PTPN5: variants seen among roughly 807,000 people sequenced by gnomAD.
The protein encoded by PTPN5 is tyrosine-protein phosphatase non-receptor type 5.
A neutral mutation model predicts 73.9 loss-of-function variants in PTPN5; 29 were observed. That is an observed-to-expected ratio of 0.39 (90% CI 0.29 to 0.54). PTPN5 has a LOEUF of 0.54. PTPN5 is among the 20% of genes least tolerant of loss of function. PTPN5 has a pLI of 0.65. For missense variants in PTPN5, 652 were observed against 751.4 expected (o/e 0.87, Z 1.55); for synonymous variants, 267 against 304.7 (o/e 0.88, Z 1.29).
rs1254332005 is a variant in PTPN5 at position 18,733,973 on chromosome 11, G to A, written c.1001-338C>T. Among the ~76,000 whole-genome samples, 1 of 152,208 alleles carries A rather than the reference G, an allele frequency of 6.6e-6. No individual in the cohort carries two copies. Among genetic ancestry groups the A allele is most frequent in the African/African-American group, 2.4e-5 (1 of 41,454 alleles). On this transcript the variant is annotated intron_variant, in intron 9 of 14. Coordinates refer to ENST00000358540, the MANE Select transcript of PTPN5 (RefSeq NM_006906.2). This position sits in a 1 kb window ranked among gnomAD's most constrained non-coding sequence, Gnocchi z 4.3. Reference sequence around the variant, plus strand: ...AATTACCTAGGGAAATTCCTGTACAGATCTTGTTCAGCAAGAGACAGCTAG... The same window carrying A: ...AATTACCTAGGGAAATTCCTGTACAAATCTTGTTCAGCAAGAGACAGCTAG...
chr11:18,755,647 G>T (rs1850097333), intron 3 of PTPN5, among the ~76,000 whole-genome samples: 1 of 152,022 alleles, frequency 6.6e-6, no homozygotes, highest in South Asian at 2.1e-4. Flanking sequence ...AAATGGTCTT[G>T]CTTGTGATTG....
intron 3 of PTPN5, among the ~76,000 whole-genome samples, chr11:18,749,107 C>T (rs1849767154): frequency 6.6e-6 from 1 of 152,232 alleles, no homozygotes; most frequent in Admixed American, 6.5e-5. Context: ...TTTGACAGCC[C>T]TATGAGGTAG....
In PTPN5 at chr11:18,733,237, C is replaced by T. The variant is rs139371305; in HGVS notation, c.1216G>A (p.Glu406Lys). The T allele has an allele frequency of 1.6e-4, 255 of 1,610,544 alleles. 2 individuals carry two copies. Among genetic ancestry groups the T allele is most frequent in the African/African-American group, 3.5e-4 (26 of 74,844 alleles). Reference sequence around the variant, plus strand: ...AGAATGGGGACGGGGGTCCCTACCTCGTTCATCTCCTCGATGTTGGTGATC... The same window carrying T: ...AGAATGGGGACGGGGGTCCCTACCTTGTTCATCTCCTCGATGTTGGTGATC... ...VMITNIEEMN[E>K]KCTEYWPEEQ... is the part of the protein sequence containing the mutation. Residue 406 changes from glutamate to lysine, a missense_variant and splice_region_variant, in exon 11 of 15, where the codon GAG (glutamate) becomes AAG (lysine). By Grantham distance (56) the Glu-to-Lys change is moderately conservative. Coordinates refer to ENST00000358540, the MANE Select transcript of PTPN5 (RefSeq NM_006906.2). This position sits in a 1 kb window ranked among gnomAD's most constrained non-coding sequence, Gnocchi z 4.3.
At chr11:18,741,888 T>A (rs1849380804) in intron 7 of PTPN5, among the ~76,000 whole-genome samples, 1 of 151,990 alleles carries the variant, frequency 6.6e-6, no homozygotes, top group Admixed American at 6.6e-5. Context: ...AACAAAAAAA[T>A]AGAGTTCCGT....
chr11:18,790,601 T>C (rs1042902015), intron 1 of PTPN5, among the ~76,000 whole-genome samples: 5 of 152,112 alleles, frequency 3.3e-5, no homozygotes, highest in African/African-American at 9.7e-5. Context: ...CTCTCCCCTT[T>C]TTTTGGTACC....
Position 18,743,350 on chromosome 11 carries a change from A to G in PTPN5, c.371T>C (p.Leu124Pro). The G allele has an allele frequency of 6.2e-7, 1 of 1,614,182 alleles. No individual in the cohort carries two copies. Among genetic ancestry groups the G allele is most frequent in the Non-Finnish European group, 8.5e-7 (1 of 1,180,038 alleles). ...GGGTTCCAGCTGTTTCAGGAGCGTC[A>G]GCAAAGAGGAGACGAGGTTTGTGGC... ...QNATNLVSSLLTLLKQLEPTA... is the reference protein window; with the variant it reads ...QNATNLVSSLPTLLKQLEPTA... Residue 124 changes from leucine (L) to proline (P), a missense_variant, in exon 5 of 15, where the codon CTG becomes CCG. Physicochemically the swap from Leu to Pro is moderately conservative, Grantham distance 98. This residue lies in a region of PTPN5 where 529 missense variants were observed against 573.9 expected (regional missense o/e 0.92). Coordinates refer to ENST00000358540, the MANE Select transcript of PTPN5 (RefSeq NM_006906.2).
chr11:18,764,995 A>G (rs1295617003), intron 3 of PTPN5, among the ~76,000 whole-genome samples: 2 of 152,206 alleles, frequency 1.3e-5, no homozygotes, highest in Non-Finnish European at 2.9e-5. Context: ...TACAGGCATG[A>G]GCCACCGCAC....
chr11:18,774,167 A>G (rs187390472), intron 1 of PTPN5, among the ~76,000 whole-genome samples: 478 of 152,364 alleles, frequency 3.1e-3, no homozygotes, highest in Middle Eastern at 6.8e-3. Flanking sequence ...TCTAACACGG[A>G]TGACAACACC....
chr11:18,744,634 G>A (rs1474459162), intron 3 of PTPN5, among the ~76,000 whole-genome samples: 2 of 151,832 alleles, frequency 1.3e-5, no homozygotes, highest in African/African-American at 4.8e-5. Context: ...TGTCTCATGT[G>A]GGCCATGCCC....
rs758764077 is a variant in PTPN5, at chr11:18,729,576, G to A, written c.1491-10C>T. 5 of 1,576,374 alleles carry A rather than the reference G, an allele frequency of 3.2e-6. No homozygotes were observed. The highest frequency in any genetic ancestry group is 3.3e-5 in the Admixed American group (2 of 59,736). On this transcript the variant is annotated splice_polypyrimidine_tract_variant and intron_variant, in intron 13 of 14. Coordinates refer to ENST00000358540, the MANE Select transcript of PTPN5 (RefSeq NM_006906.2). The surrounding 1 kb of genome is among the most constrained non-coding windows in gnomAD (Gnocchi z 5.2). ...CCTCCCAATCCCTGCACTGAGGGCC[G>A]AGGGGACCGGTGGGGTGAGGGGCAG...
intron 3 of PTPN5, among the ~76,000 whole-genome samples, chr11:18,761,139 T>C (rs1850368676): frequency 6.6e-6 from 1 of 152,148 alleles, no homozygotes; most frequent in African/African-American, 2.4e-5. Context: ...GCGAGGGTCT[T>C]TATTGGCAGT....
intron 7 of PTPN5, among the ~76,000 whole-genome samples, chr11:18,741,875 T>C (rs1423167216): frequency 6.6e-6 from 1 of 151,660 alleles, no homozygotes; most frequent in African/African-American, 2.4e-5. Context: ...AAAATAAAAG[T>C]AAAACAAAAA....
rs57115676 is a variant in PTPN5, at chr11:18,786,201, ATTT to A, written c.-114+5321_-114+5323del. On this transcript the variant is annotated intron_variant, in intron 1 of 14. Coordinates refer to ENST00000358540, the MANE Select transcript of PTPN5 (RefSeq NM_006906.2). ...TGATGTTAAAGAATGGGGGGAATCT[ATTT>A]TTTTTTTTTTTTCTTTGAGACGGAG... 7.2e-4 allele frequency among the ~76,000 whole-genome samples: 106 copies of A among 147,046 alleles called. 1 individual carries two copies. The highest frequency in any genetic ancestry group is 2.2e-3 in the African/African-American group (91 of 40,454).
chr11:18,764,994 G>A (rs1850576320), intron 3 of PTPN5, among the ~76,000 whole-genome samples: 1 of 152,184 alleles, frequency 6.6e-6, no homozygotes. Flanking sequence ...TTACAGGCAT[G>A]AGCCACCGCA....
chr11:18,776,674 T>C (rs1032976873), intron 1 of PTPN5, among the ~76,000 whole-genome samples: 7 of 152,160 alleles, frequency 4.6e-5, no homozygotes, highest in African/African-American at 1.7e-4. Context: ...CAAGGTCATA[T>C]AGTTGGTATG....
In PTPN5 at chr11:18,743,403, G is replaced by A. The variant is rs1267791239; in HGVS notation, c.318C>T (p.Ser106=). 4.3e-6 allele frequency: 7 copies of A among 1,614,114 alleles called. No homozygotes were observed. The highest frequency in any genetic ancestry group is 1.7e-5 in the Admixed American group (1 of 60,026). ...FLLACGVLWF[S]GYGHIWSQNA... ...TCTGTGACCAGATGTGGCCATAACC[G>A]CTGAACCAGAGCACCCCACAGGCAA... Residue 106 remains serine, a synonymous_variant, in exon 5 of 15, where the codon AGC becomes AGT. Coordinates refer to ENST00000358540, the MANE Select transcript of PTPN5 (RefSeq NM_006906.2).
intron 3 of PTPN5, among the ~76,000 whole-genome samples, chr11:18,757,422 C>G (rs951303500): frequency 2.0e-5 from 3 of 152,192 alleles, no homozygotes; most frequent in African/African-American, 7.2e-5. Context: ...AATCCTCCAT[C>G]AGGTATGCTC....
At chr11:18,774,276 AACC>A (rs1295223384) in intron 1 of PTPN5, among the ~76,000 whole-genome samples, 2 of 152,360 alleles carry the variant, frequency 1.3e-5, no homozygotes, top group South Asian at 2.1e-4. Flanking sequence ...GATCTGTGCA[AACC>A]ACCAACAAAG....
chr11:18,768,527 C>A (rs1159969784), intron 2 of PTPN5, among the ~76,000 whole-genome samples: 12 of 152,216 alleles, frequency 7.9e-5, no homozygotes. Flanking sequence ...TGGAAGGGGA[C>A]CCATGTGTGA....
Sources: allele counts gnomAD v4.1 joint callset (sites outside exome capture counted in the v4.1 genomes callset), GRCh38; gene constraint gnomAD v4.1.1; regional missense constraint gnomAD v4.1.1; non-coding constraint Gnocchi (gnomAD v3.1); transcripts MANE v1.5; gene names NCBI Gene and HGNC (gene_info 2026-07-23, HGNC 2026-07-21).